OSBPL6: variants seen among roughly 807,000 people sequenced by gnomAD.
OSBPL6 encodes the protein oxysterol binding protein like 6, also known as oxysterol-binding protein-related protein 6.
A neutral mutation model predicts 125.8 loss-of-function variants in OSBPL6; 49 were observed. That is an observed-to-expected ratio of 0.39 (90% CI 0.31 to 0.49). OSBPL6 has a LOEUF of 0.49. Among genes scored for constraint, OSBPL6 ranks in the 20% least tolerant of loss-of-function variants. The probability of loss-of-function intolerance (pLI) is 0.88; values close to 1 mark genes in which losing one functional copy is unlikely to be tolerated. For missense variants in OSBPL6, 986 were observed against 1,135.4 expected, an observed-to-expected ratio of 0.87 and a Z score of 1.89; for synonymous variants, 394 against 391.8, an observed-to-expected ratio of 1.01 and a Z score of -0.07.
Position 178,394,391 on chromosome 2 carries a change from A to C in OSBPL6, c.2652A>C (p.Arg884=). The change falls in exon 24 of 25, where the codon CGA becomes CGC. Residue 884 remains arginine, a synonymous_variant. Transcript: ENST00000190611. The stretch of plus-strand genomic sequence containing the variant: ...AGGAACTCCAGAGATCTCGGAGACG[A>C]TATATGGAAGAAAACAATCTTGAAC... ...RVEELQRSRR[R]YMEENNLEHI... is the part of the protein sequence containing the mutation. 4 of 1,613,396 alleles carry C rather than the reference A, an allele frequency of 2.5e-6. No homozygotes were observed. Among genetic ancestry groups the C allele is most frequent in the Non-Finnish European group, 3.4e-6 (4 of 1,179,744 alleles).
chr2:178,394,104 A>G (rs1169978064), intron 23 of OSBPL6, among the ~76,000 whole-genome samples: 1 of 152,192 alleles, frequency 6.6e-6, no homozygotes, highest in Non-Finnish European at 1.5e-5. Context: ...GTTCATGTAC[A>G]TAGAAAATAT....
At chr2:178,242,038 A>G (rs1419722176) in intron 1 of OSBPL6, among the ~76,000 whole-genome samples, 1 of 152,218 alleles carries the variant, frequency 6.6e-6, no homozygotes, top group African/African-American at 2.4e-5. Context: ...AGATTTGTGT[A>G]AGTGCACTCT....
At chr2:178,370,754 A>ACAG (rs2154104680) in intron 13 of OSBPL6, among the ~76,000 whole-genome samples, 1 of 152,296 alleles carries the variant, frequency 6.6e-6, no homozygotes, top group South Asian at 2.1e-4. Flanking sequence ...CATCAATGTG[A>ACAG]CAGCCCTCCA....
intron 1 of OSBPL6, among the ~76,000 whole-genome samples, chr2:178,209,869 A>G (rs1287357289): frequency 6.6e-6 from 1 of 152,062 alleles, no homozygotes; most frequent in East Asian, 1.9e-4. Context: ...TAAGAAAAAA[A>G]AAAAACTACT....
intron 12 of OSBPL6, among the ~76,000 whole-genome samples, chr2:178,356,132 T>A (rs1236205915): frequency 6.6e-6 from 1 of 152,184 alleles, no homozygotes; most frequent in Non-Finnish European, 1.5e-5. Flanking sequence ...GCCAATATCA[T>A]ACTGAATGGG....
rs961468402 is a variant in OSBPL6, at chr2:178,335,923, G to C, written c.658-378G>C. On this transcript the variant is annotated intron_variant, in intron 8 of 24. Coordinates refer to ENST00000190611, the MANE Select transcript of OSBPL6 (RefSeq NM_032523.4). ...TGAGGAGAACTTGAGTGGTCATAAG[G>C]GTACAGAAACCTTTTGGAAAGGAAA... Among the ~76,000 whole-genome samples the C allele has an allele frequency of 3.3e-5, 5 of 152,260 alleles. No individual in the cohort carries two copies. In the South Asian group the frequency reaches 1.0e-3, roughly 32 times the overall value.
chr2:178,229,239 A>G (rs925156915), intron 1 of OSBPL6, among the ~76,000 whole-genome samples: 3 of 152,208 alleles, frequency 2.0e-5, no homozygotes, highest in East Asian at 1.9e-4. Context: ...TACTGCCACA[A>G]TGGGGACCAA....
intron 1 of OSBPL6, among the ~76,000 whole-genome samples, chr2:178,263,608 C>T (rs748740206): frequency 3.7e-4 from 56 of 152,196 alleles, no homozygotes; most frequent in Non-Finnish European, 5.4e-4. Flanking sequence ...CACATCAAGG[C>T]AGCAGAACCA....
intron 3 of OSBPL6, among the ~76,000 whole-genome samples, chr2:178,308,570 C>T (rs755864929): frequency 1.3e-5 from 2 of 152,142 alleles, no homozygotes; most frequent in Non-Finnish European, 1.5e-5. Flanking sequence ...AAGTTCTAAT[C>T]GTAGGTAACT....
At chr2:178,245,274 A>T (rs1474021217) in intron 1 of OSBPL6, among the ~76,000 whole-genome samples, 1 of 152,202 alleles carries the variant, frequency 6.6e-6, no homozygotes, top group East Asian at 1.9e-4. Flanking sequence ...TTTTAAAAAA[A>T]TCATTGACTT....
At chr2:178,266,217 CAAG>C (rs1404311053) in intron 1 of OSBPL6, among the ~76,000 whole-genome samples, 2 of 152,166 alleles carry the variant, frequency 1.3e-5, no homozygotes, top group East Asian at 3.9e-4. Context: ...GTCTCAATCG[CAAG>C]AAGACCACAG....
intron 12 of OSBPL6, among the ~76,000 whole-genome samples, chr2:178,360,615 GAC>G (rs1692266307): frequency 6.6e-6 from 1 of 152,056 alleles, no homozygotes; most frequent in Non-Finnish European, 1.5e-5. Context: ...ATTTTCAACA[GAC>G]ACACAAATTC....
At chr2:178,317,830 T>C (rs553019389) in intron 3 of OSBPL6, among the ~76,000 whole-genome samples, 1 of 152,272 alleles carries the variant, frequency 6.6e-6, no homozygotes, top group East Asian at 1.9e-4. Context: ...TTTAGAAAAT[T>C]ACAGATTAAC....
intron 3 of OSBPL6, among the ~76,000 whole-genome samples, chr2:178,313,052 C>T (rs763965950): frequency 2.0e-5 from 3 of 151,978 alleles, no homozygotes; most frequent in Admixed American, 1.3e-4. Flanking sequence ...CCCAACACCA[C>T]GCCCAGCTAA....
chr2:178,227,171 A>T (rs2090599375), intron 1 of OSBPL6, among the ~76,000 whole-genome samples: 1 of 152,218 alleles, frequency 6.6e-6, no homozygotes, highest in South Asian at 2.1e-4. Context: ...ACAGTTACAA[A>T]AAAGGAAATA....
intron 7 of OSBPL6, 33 bp from the exon 8 acceptor site, chr2:178,332,838 A>G (rs1689334990): frequency 6.2e-7 from 1 of 1,608,422 alleles, no homozygotes; most frequent in African/African-American, 1.3e-5. Context: ...GAGTTATTTT[A>G]CAATTACTTT....
intron 1 of OSBPL6, among the ~76,000 whole-genome samples, chr2:178,263,176 A>G (rs1057160388): frequency 1.3e-5 from 2 of 152,226 alleles, no homozygotes; most frequent in Non-Finnish European, 2.9e-5. Context: ...GGATAAAAGC[A>G]CATATAGAAT....
intron 9 of OSBPL6, among the ~76,000 whole-genome samples, chr2:178,337,103 T>G (rs933364785): frequency 3.3e-5 from 5 of 152,168 alleles, no homozygotes; most frequent in African/African-American, 1.2e-4. Context: ...GGTTCAAACT[T>G]GATCTACAGA....
intron 1 of OSBPL6, among the ~76,000 whole-genome samples, chr2:178,214,555 C>T (rs62177217): frequency 0.14 from 21,046 of 152,154 alleles, 1,687 homozygotes; most frequent in Middle Eastern, 0.23. Flanking sequence ...CCGGGGAACT[C>T]GGCTCTGCCC....
Sources: allele counts gnomAD v4.1 joint callset (sites outside exome capture counted in the v4.1 genomes callset), GRCh38; gene constraint gnomAD v4.1.1; transcripts MANE v1.5; gene names NCBI Gene and HGNC (gene_info 2026-07-23, HGNC 2026-07-21).